Variants in SLC43A2 observed in about 807,000 individuals in gnomAD.
SLC43A2 encodes large neutral amino acids transporter small subunit 4.
SLC43A2 carries 38 observed loss-of-function variants against 63.2 expected under a neutral mutation model. That is an observed-to-expected ratio of 0.60 (90% CI 0.46 to 0.79). The LOEUF (loss-of-function observed/expected upper bound fraction) is 0.79. Ranked by LOEUF, SLC43A2 falls within the 30% of genes least tolerant of loss-of-function variation. The pLI is 0.00. For missense variants in SLC43A2, 644 were observed against 756.2 expected, an observed-to-expected ratio of 0.85 and a Z score of 1.74; for synonymous variants, 322 against 331.0, an observed-to-expected ratio of 0.97 and a Z score of 0.30.
At chr17:1,608,518 C>T (rs1039175053) in intron 5 of SLC43A2, among the ~76,000 whole-genome samples, 5 of 152,080 alleles carry the variant, frequency 3.3e-5, no homozygotes, top group East Asian at 1.9e-4. Flanking sequence ...CTCAGCCTCC[C>T]GAGTAGCTGG....
At chr17:1,610,944 G>A (rs957240853) in intron 5 of SLC43A2, among the ~76,000 whole-genome samples, 59 of 151,218 alleles carry the variant, frequency 3.9e-4, no homozygotes, top group Admixed American at 7.3e-4. Context: ...GGCCTCAAGC[G>A]ATTCTCCTGC....
chr17:1,582,296 T>G (rs2076031822), intron 11 of SLC43A2, among the ~76,000 whole-genome samples: 1 of 152,078 alleles, frequency 6.6e-6, no homozygotes, highest in African/African-American at 2.4e-5. Flanking sequence ...CCCAGGCTGG[T>G]CTCAAACTCC....
At chr17:1,624,680 C>T (rs1048997883) in intron 2 of SLC43A2, among the ~76,000 whole-genome samples, 5 of 152,114 alleles carry the variant, frequency 3.3e-5, no homozygotes, top group Non-Finnish European at 7.4e-5. Context: ...CGCTTGAGCC[C>T]AGGAGTTTGA....
chr17:1,580,029 C>T (rs1369661130), intron 11 of SLC43A2, among the ~76,000 whole-genome samples: 1 of 151,862 alleles, frequency 6.6e-6, no homozygotes, highest in Non-Finnish European at 1.5e-5. Flanking sequence ...TGGATTCAAG[C>T]AATTCTCCTG....
intron 2 of SLC43A2, among the ~76,000 whole-genome samples, chr17:1,617,191 C>T (rs111281308): frequency 1.3e-5 from 2 of 152,304 alleles, no homozygotes; most frequent in Admixed American, 6.5e-5. Flanking sequence ...AACCTTCTCA[C>T]GGCAGCTATG....
intron 2 of SLC43A2, 46 bp downstream of exon 2, chr17:1,627,669 A>ACC: frequency 1.9e-5 from 21 of 1,127,224 alleles, no homozygotes; most frequent in East Asian, 6.4e-5. Context: ...CCCCTCCCAA[A>ACC]GCCCCAGCTC....
In SLC43A2 at chr17:1,616,674, C is replaced by T. The variant is rs934353646; in HGVS notation, c.256G>A (p.Glu86Lys). 6.2e-6 allele frequency: 10 copies of T among 1,614,044 alleles called. No individual in the cohort carries two copies. The highest frequency in any genetic ancestry group is 8.5e-6 in the Non-Finnish European group (10 of 1,180,050). The stretch of plus-strand genomic sequence containing the variant: ...ACAGTGAAGGCCAAATTTAGCATCT[C>T]GTCCTGGGCCTGGCAGCTGAGCCAG... Reference protein sequence around the residue: ...NGWLSCQAQDEMLNLAFTVGS... With the variant: ...NGWLSCQAQDKMLNLAFTVGS... The change falls in exon 3 of 14, where the codon GAG (glutamate) becomes AAG (lysine). Residue 86 changes from glutamate to lysine, a missense_variant. Transcript: ENST00000301335.
chr17:1,604,026 T>C (rs1019560575), intron 5 of SLC43A2, among the ~76,000 whole-genome samples: 1 of 152,080 alleles, frequency 6.6e-6, no homozygotes, highest in Non-Finnish European at 1.5e-5. Context: ...CAACTAGAGG[T>C]TTATTTTTCA....
At chr17:1,584,951 C>T (rs1322056079) in intron 10 of SLC43A2, among the ~76,000 whole-genome samples, 1 of 152,192 alleles carries the variant, frequency 6.6e-6, no homozygotes, top group Non-Finnish European at 1.5e-5. Context: ...TCTATTAACA[C>T]ATAATATGTT....
intron 10 of SLC43A2, among the ~76,000 whole-genome samples, chr17:1,585,011 A>G (rs2076080365): frequency 6.6e-6 from 1 of 152,048 alleles, no homozygotes; most frequent in African/African-American, 2.4e-5. Context: ...GCAGGCAGAT[A>G]ACAAAGGGTT....
chr17:1,608,318 T>A (rs778217046), intron 5 of SLC43A2, among the ~76,000 whole-genome samples: 2 of 152,168 alleles, frequency 1.3e-5, no homozygotes, highest in Non-Finnish European at 2.9e-5. Flanking sequence ...CTGGTCACTC[T>A]CTAGCCTGTG....
At chr17:1,614,411 T>TAAAACAAAACAAAAC (rs71375517) in intron 4 of SLC43A2, among the ~76,000 whole-genome samples, 227 of 150,266 alleles carry the variant, frequency 1.5e-3, no homozygotes, top group Non-Finnish European at 2.7e-3. Flanking sequence ...ACCCTGTCTC[T>TAAAACAAAACAAAAC]AAAACAAAAC....
chr17:1,591,734 A>AGGGGGGGGGGGGGGGGGGGGGG, intron 6 of SLC43A2, 35 bp from the exon 7 acceptor site: 1 of 293,096 alleles, frequency 3.4e-6, no homozygotes, highest in Non-Finnish European at 6.8e-6. Context: ...TGGGGGGGGG[A>AGGGGGGGGGGGGGGGGGGGGGG]GGGGGCAGAG....
intron 9 of SLC43A2, chr17:1,587,013 G>A: frequency 2.0e-6 from 3 of 1,511,752 alleles, no homozygotes; most frequent in Non-Finnish European, 2.7e-6. Context: ...GTTAGTGGCA[G>A]AAATCTCAGT....
chr17:1,575,768 G>GGGGAGGCA lies in SLC43A2; in HGVS notation c.1549-11_1549-4dup. ...AGAAGGAGCAGCCCCACGTTCACCT[G>GGGGAGGCA]GGGAGGCAGGGAGGCCGCGCATCAC... On this transcript the variant is annotated splice_polypyrimidine_tract_variant and splice_region_variant and intron_variant, in intron 13 of 13. Transcript: ENST00000301335. 6.2e-7 allele frequency: 1 copy of GGGGAGGCA among 1,607,626 alleles called. No homozygotes were observed. Among genetic ancestry groups the GGGGAGGCA allele is most frequent in the South Asian group, 1.1e-5 (1 of 90,646 alleles).
Position 1,578,849 on chromosome 17 carries a change from T to C in SLC43A2, c.1351-526A>G, listed in dbSNP as rs1215114926. On this transcript the variant is annotated intron_variant, in intron 11 of 13. Transcript: ENST00000301335. The surrounding 1 kb of genome is among the most constrained non-coding windows in gnomAD (Gnocchi z 6.5). ...AGCCTAACCGAGTCATTATTAAAAA[T>C]TAAATTATAGGCTGGGCAAGGTGGC... 2 of 152,042 alleles carry C rather than the reference T, an allele frequency of 1.3e-5. No individual in the cohort carries two copies. The highest frequency in any genetic ancestry group is 4.8e-5 in the African/African-American group (2 of 41,348). The allele number at this position is 152,042 out of a possible 1,614,324, so 9.4% of individuals were successfully genotyped here.
rs1169713116 is a variant in SLC43A2 at position 1,599,332 on chromosome 17, CTG to C, written c.502-6055_502-6054del. ...TCCAGCCTGGCGACAGAGTGAGACT[CTG>C]TCTCAAAAAAAGAAAAGAAAAGCAT... On this transcript the variant is annotated intron_variant, in intron 5 of 13. Coordinates refer to ENST00000301335, the MANE Select transcript of SLC43A2 (RefSeq NM_152346.3). 2.0e-5 allele frequency among the ~76,000 whole-genome samples: 3 copies of C among 150,960 alleles called. No homozygotes were observed. The East Asian group carries it at 5.9e-4, about 30-fold the overall frequency.
intron 5 of SLC43A2, chr17:1,604,846 C>T (rs1275181472): frequency 5.2e-6 from 8 of 1,535,766 alleles, no homozygotes; most frequent in Non-Finnish European, 7.0e-6. Flanking sequence ...ATCTGGGTCA[C>T]TCCCCACATT....
intron 2 of SLC43A2, among the ~76,000 whole-genome samples, chr17:1,620,130 C>T (rs546049959): frequency 2.0e-4 from 30 of 152,264 alleles, no homozygotes; most frequent in African/African-American, 5.5e-4. Context: ...TTTGGGAGGC[C>T]GAGGCAGGCG....
Sources: gnomAD v4.1 joint callset for allele counts (sites outside exome capture counted in the v4.1 genomes callset) on GRCh38, gnomAD v4.1.1 for gene constraint, Gnocchi (gnomAD v3.1) non-coding constraint, MANE v1.5 for transcripts, NCBI Gene and HGNC (gene_info 2026-07-23, HGNC 2026-07-21) for gene names.